The following CELF5 variants were observed in gnomAD, a reference collection of about 807,000 sequenced individuals.
CELF5 encodes the protein CUGBP Elav-like family member 5, also known as CUG-BP and ETR-3 like factor 5.
Under a neutral mutation model 54.9 loss-of-function variants are expected in CELF5, and 6 were observed. The observed-to-expected ratio is 0.11, with a 90% CI of 0.06 to 0.22. The LOEUF is 0.22. CELF5 is among the 10% of genes least tolerant of loss of function. The pLI is 1.00. For synonymous variants in CELF5, 271 were observed against 290.9 expected (o/e 0.93, Z 0.70); for missense variants, 401 against 678.6 (o/e 0.59, Z 4.54).
intron 5 of CELF5, among the ~76,000 whole-genome samples, chr19:3,279,519 G>C (rs937715143): frequency 6.6e-6 from 1 of 152,164 alleles, no homozygotes; most frequent in Non-Finnish European, 1.5e-5. Context: ...GTCTGGAGGA[G>C]TGAGTTCTCT....
In CELF5 at chr19:3,278,230, G is replaced by C. The variant is rs2080088709; in HGVS notation, c.603+120G>C. On this transcript the variant is annotated intron_variant, in intron 5 of 12. Transcript: ENST00000292672. The surrounding 1 kb of genome is among the most constrained non-coding windows in gnomAD (Gnocchi z 4.5). ...TCCGGTAGCCCCTGGCTGTCCTTCA[G>C]AGGGGGCACAGGTGGAGAAAGAGGC... 1 of 735,556 alleles carries C rather than the reference G, an allele frequency of 1.4e-6. No individual in the cohort carries two copies. 45.6% of individuals were successfully genotyped at this position (735,556 alleles called of 1,614,324 possible).
intron 8 of CELF5, 186 bp from the exon 9 acceptor site, chr19:3,284,716 A>C: frequency 5.0e-6 from 3 of 595,136 alleles, no homozygotes; most frequent in Non-Finnish European, 6.2e-6. Context: ...GCCATTTGCT[A>C]TCTGAGTGGC....
rs570158252 is a variant in CELF5 at position 3,240,642 on chromosome 19, T to C, written c.260-10343T>C. Among the ~76,000 whole-genome samples, 142 of 152,010 alleles carry C rather than the reference T, an allele frequency of 9.3e-4. 8 individuals carry two copies. The South Asian group carries it at 0.029, about 31-fold the overall frequency. ...TGCGCCCGGCCCTACCACACACTTCTGAAAGCCTATGTTCCACACACCAGG... is the reference window on the plus strand; with the variant it reads ...TGCGCCCGGCCCTACCACACACTTCCGAAAGCCTATGTTCCACACACCAGG... On this transcript the variant is annotated intron_variant, in intron 1 of 12. Transcript: ENST00000292672.
intron 1 of CELF5, among the ~76,000 whole-genome samples, chr19:3,250,624 T>G (rs1238173779): frequency 6.6e-6 from 1 of 152,092 alleles, no homozygotes; most frequent in African/African-American, 2.4e-5. Flanking sequence ...CATGATACAC[T>G]CAGTCCTCAT....
At chr19:3,260,242 A>G (rs2079789415) in intron 2 of CELF5, among the ~76,000 whole-genome samples, 1 of 150,494 alleles carries the variant, frequency 6.6e-6, no homozygotes, top group Admixed American at 6.6e-5. Context: ...TCAGCCTCCC[A>G]AGTAGCTGGG....
intron 1 of CELF5, among the ~76,000 whole-genome samples, chr19:3,239,744 T>C (rs312054): frequency 0.16 from 24,123 of 150,168 alleles, 2,269 homozygotes; most frequent in African/African-American, 0.26. Flanking sequence ...TTTGTCCCCA[T>C]GGCCCTCTGG....
intron 1 of CELF5, among the ~76,000 whole-genome samples, chr19:3,242,710 G>T (rs184768911): frequency 7.2e-5 from 11 of 152,274 alleles, no homozygotes; most frequent in African/African-American, 2.4e-4. Context: ...GGAGGCTGAG[G>T]CAGGAGAATC....
At chr19:3,250,035 G>A (rs921545064) in intron 1 of CELF5, among the ~76,000 whole-genome samples, 2 of 152,150 alleles carry the variant, frequency 1.3e-5, no homozygotes, top group African/African-American at 2.4e-5. Context: ...CCCTTTGCGG[G>A]GGTGTATGTG....
chr19:3,282,091 A>T lies in CELF5; in HGVS notation c.751-35A>T. On this transcript the variant is annotated intron_variant, in intron 6 of 12. Coordinates refer to ENST00000292672, the MANE Select transcript of CELF5 (RefSeq NM_021938.4). This position sits in a 1 kb window ranked among gnomAD's most constrained non-coding sequence, Gnocchi z 5.2. ...CTCATAAGCCATGATCTCAGGGCAGATATCACCCCAACTGTGACATGTCTT... is the reference window on the plus strand; with the variant it reads ...CTCATAAGCCATGATCTCAGGGCAGTTATCACCCCAACTGTGACATGTCTT... The T allele has an allele frequency of 6.2e-7, 1 of 1,613,246 alleles. No homozygotes were observed.
rs1917032402 is a variant in CELF5, at chr19:3,228,147, GAGAGAGACACGCAGGGAAAGAGAGAC to G, written c.259+3158_259+3183del. On this transcript the variant is annotated intron_variant, in intron 1 of 12. Coordinates refer to ENST00000292672, the MANE Select transcript of CELF5 (RefSeq NM_021938.4). This position sits in a 1 kb window ranked among gnomAD's most constrained non-coding sequence, Gnocchi z 6.0. The stretch of plus-strand genomic sequence containing the variant: ...AGAGAGATGAGGACACAGAGAGAGA[GAGAGAGACACGCAGGGAAAGAGAGAC>G]AGAGAGACCCACAGAGAGACAGAGA... 6.6e-6 allele frequency among the ~76,000 whole-genome samples: 1 copy of G among 152,100 alleles called. No individual in the cohort carries two copies.
chr19:3,242,266 G>T (rs1232111366), intron 1 of CELF5, among the ~76,000 whole-genome samples: 1 of 152,164 alleles, frequency 6.6e-6, no homozygotes, highest in East Asian at 1.9e-4. Context: ...GGGCACGATG[G>T]CTCGCACCTG....
At chr19:3,260,379 C>T (rs1006473766) in intron 2 of CELF5, among the ~76,000 whole-genome samples, 1 of 152,006 alleles carries the variant, frequency 6.6e-6, no homozygotes, top group Admixed American at 6.6e-5. Context: ...CAAATGATCC[C>T]CCTGCCTCAG....
At chr19:3,265,058 C>A (rs988663612) in intron 2 of CELF5, among the ~76,000 whole-genome samples, 1 of 152,074 alleles carries the variant, frequency 6.6e-6, no homozygotes, top group Non-Finnish European at 1.5e-5. Flanking sequence ...TATGGAAGGC[C>A]GGGCGCAGTG....
rs1307637950 is a variant in CELF5, at chr19:3,228,692, AG to A, written c.259+3701del. 1.5e-4 allele frequency among the ~76,000 whole-genome samples: 11 copies of A among 74,376 alleles called. No homozygotes were observed. In the East Asian group the frequency reaches 2.8e-3, roughly 19 times the overall value. The allele number at this position is 74,376 out of a possible 152,430, so 48.8% of individuals were successfully genotyped here. The stretch of plus-strand genomic sequence containing the variant: ...GCACCAGCTGCCGGCTCGACTCGGG[AG>A]GGGGGGAGGAGGAGGCTGTAGCAGG... On this transcript the variant is annotated intron_variant, in intron 1 of 12. Transcript: ENST00000292672. This position sits in a 1 kb window ranked among gnomAD's most constrained non-coding sequence, Gnocchi z 6.0.
At chr19:3,245,725 C>T (rs945216398) in intron 1 of CELF5, among the ~76,000 whole-genome samples, 1 of 152,040 alleles carries the variant, frequency 6.6e-6, no homozygotes, top group Admixed American at 6.6e-5. Context: ...GAATAAAATT[C>T]GGAAAACAAA....
At chr19:3,256,387 C>T (rs1265751681) in intron 2 of CELF5, among the ~76,000 whole-genome samples, 1 of 152,072 alleles carries the variant, frequency 6.6e-6, no homozygotes, top group Non-Finnish European at 1.5e-5. Context: ...TCCTCCAAAC[C>T]CCTTTGTTCA....
intron 1 of CELF5, chr19:3,225,511 G>T: frequency 1.1e-6 from 1 of 934,334 alleles, no homozygotes; most frequent in South Asian, 5.0e-5. Context: ...CCCCGTCGGG[G>T]AAGTTTGCAC....
At chr19:3,274,520 CAT>C (rs781295955) in intron 3 of CELF5, among the ~76,000 whole-genome samples, 5 of 152,302 alleles carry the variant, frequency 3.3e-5, no homozygotes, top group East Asian at 1.9e-4. Context: ...TGTGTTTGCA[CAT>C]GTGTGCCTGA....
chr19:3,231,897 G>A (rs1014836484), intron 1 of CELF5, among the ~76,000 whole-genome samples: 1 of 151,108 alleles, frequency 6.6e-6, no homozygotes, highest in Non-Finnish European at 1.5e-5. Flanking sequence ...TGGATGATGG[G>A]TAGATGGAGA....
Sources: gnomAD v4.1 joint callset for allele counts (sites outside exome capture counted in the v4.1 genomes callset) on GRCh38, gnomAD v4.1.1 for gene constraint, Gnocchi (gnomAD v3.1) non-coding constraint, MANE v1.5 for transcripts, NCBI Gene and HGNC (gene_info 2026-07-23, HGNC 2026-07-21) for gene names.